Variants in PRICKLE2 observed in about 807,000 individuals in gnomAD.
The protein encoded by PRICKLE2 is prickle planar cell polarity protein 2.
A neutral mutation model predicts 81.4 loss-of-function variants in PRICKLE2; 21 were observed. The ratio of observed to expected loss-of-function variants is 0.26; its 90% CI spans 0.18 to 0.37. PRICKLE2 has a LOEUF of 0.37. Among genes scored for constraint, PRICKLE2 ranks in the 10% least tolerant of loss-of-function variants. The pLI, the probability that PRICKLE2 is intolerant of heterozygous loss-of-function variation, is 1.00. For missense variants in PRICKLE2, 940 were observed against 1,109.0 expected, an observed-to-expected ratio of 0.85 and a Z score of 2.16; for synonymous variants, 456 against 421.5, an observed-to-expected ratio of 1.08 and a Z score of -1.00.
intron 2 of PRICKLE2, among the ~76,000 whole-genome samples, chr3:64,193,621 C>T (rs1024696950): frequency 6.6e-6 from 1 of 152,150 alleles, no homozygotes; most frequent in African/African-American, 2.4e-5. Flanking sequence ...CTTGAATATA[C>T]AGGCTGATAT....
chr3:64,257,634 GA>G (rs1473422579), intron 2 of PRICKLE2, among the ~76,000 whole-genome samples: 2 of 152,268 alleles, frequency 1.3e-5, no homozygotes, highest in East Asian at 3.9e-4. Context: ...AAGCCAAGGG[GA>G]AAGTCTTATG....
At chr3:64,139,123 CCT>C (rs745931784) in intron 7 of PRICKLE2, among the ~76,000 whole-genome samples, 9 of 152,242 alleles carry the variant, frequency 5.9e-5, no homozygotes, top group African/African-American at 9.6e-5. Context: ...GAAAAATTAC[CCT>C]GTTACCTTCT....
chr3:64,144,591 G>A (rs1190951767), intron 7 of PRICKLE2, among the ~76,000 whole-genome samples: 3 of 152,208 alleles, frequency 2.0e-5, no homozygotes, highest in Non-Finnish European at 4.4e-5. Flanking sequence ...GCTGTAAGGG[G>A]CAGACGTATA....
intron 2 of PRICKLE2, among the ~76,000 whole-genome samples, chr3:64,251,493 T>C (rs2079447065): frequency 6.6e-6 from 1 of 152,202 alleles, no homozygotes; most frequent in Non-Finnish European, 1.5e-5. Context: ...ACCTAATCAG[T>C]ATGCATAAGA....
intron 1 of PRICKLE2, among the ~76,000 whole-genome samples, chr3:64,201,249 G>T (rs910349831): frequency 1.3e-5 from 2 of 152,268 alleles, no homozygotes; most frequent in South Asian, 2.1e-4. Flanking sequence ...ATTCTTTTGG[G>T]TATATTCCTA....
At chr3:64,165,486 T>C (rs571655913) in intron 2 of PRICKLE2, among the ~76,000 whole-genome samples, 2 of 152,328 alleles carry the variant, frequency 1.3e-5, no homozygotes, top group Admixed American at 1.3e-4. Context: ...ACAATAGTTA[T>C]ACTATCAAGC....
intron 2 of PRICKLE2, among the ~76,000 whole-genome samples, chr3:64,166,835 C>T (rs2077841566): frequency 6.6e-6 from 1 of 152,180 alleles, no homozygotes; most frequent in Admixed American, 6.5e-5. Flanking sequence ...TCTTCGAAGT[C>T]CATTGAAGTC....
intron 1 of PRICKLE2, among the ~76,000 whole-genome samples, chr3:64,219,156 T>C (rs1454929547): frequency 6.6e-6 from 1 of 152,154 alleles, no homozygotes; most frequent in Admixed American, 6.5e-5. Context: ...GACCTTTTAG[T>C]TCCCCGCCAA....
At chr3:64,151,118 G>C (rs2077539997) in intron 6 of PRICKLE2, among the ~76,000 whole-genome samples, 1 of 152,170 alleles carries the variant, frequency 6.6e-6, no homozygotes, top group Non-Finnish European at 1.5e-5. Flanking sequence ...CCTGACGCAG[G>C]GCCTGCTCTG....
intron 7 of PRICKLE2, among the ~76,000 whole-genome samples, chr3:64,117,607 A>G (rs2076956516): frequency 6.6e-6 from 1 of 152,196 alleles, no homozygotes; most frequent in Non-Finnish European, 1.5e-5. Flanking sequence ...CACAATTGCC[A>G]CAAAAAGAAT....
chr3:64,245,879 A>T (rs1407914360), intron 2 of PRICKLE2, among the ~76,000 whole-genome samples: 1 of 152,194 alleles, frequency 6.6e-6, no homozygotes, highest in Non-Finnish European at 1.5e-5. Flanking sequence ...TTATTTCTGC[A>T]AAGATGGGGT....
At chr3:64,206,925 G>A (rs1026137953) in intron 1 of PRICKLE2, among the ~76,000 whole-genome samples, 1 of 152,108 alleles carries the variant, frequency 6.6e-6, no homozygotes, top group Non-Finnish European at 1.5e-5. Context: ...TTTTGAGACA[G>A]GGTCTGCTCT....
chr3:64,243,680 A>G (rs1396754584), intron 2 of PRICKLE2, among the ~76,000 whole-genome samples: 2 of 152,236 alleles, frequency 1.3e-5, no homozygotes, highest in Admixed American at 1.3e-4. Context: ...TGAAGCCCTT[A>G]GCAGAGTGCC....
chr3:64,104,727 C>A (rs1285178962), intron 7 of PRICKLE2: 1 of 152,222 alleles, frequency 6.6e-6, no homozygotes, highest in Non-Finnish European at 1.5e-5. Flanking sequence ...ATCAGTTTCA[C>A]CTAAATGTAA....
At chr3:64,218,530 CTGCAGAA>C (rs2078906184) in intron 1 of PRICKLE2, among the ~76,000 whole-genome samples, 1 of 152,336 alleles carries the variant, frequency 6.6e-6, no homozygotes, top group Middle Eastern at 3.4e-3. Flanking sequence ...TGCTTAGTTA[CTGCAGAA>C]TGCAGATGGT....
At chr3:64,116,613 C>G (rs114772354) in intron 7 of PRICKLE2, among the ~76,000 whole-genome samples, 3,465 of 152,240 alleles carry the variant, frequency 0.023, 56 homozygotes, top group Non-Finnish European at 0.036. Context: ...GGATAAATGT[C>G]TGGACACATA....
intron 7 of PRICKLE2, among the ~76,000 whole-genome samples, chr3:64,129,054 T>C (rs993030510): frequency 3.9e-5 from 6 of 152,128 alleles, no homozygotes; most frequent in African/African-American, 1.4e-4. Context: ...TAGCATCCAA[T>C]TCTCTCTTGT....
chr3:64,187,321 C>A (rs548435695), intron 2 of PRICKLE2, among the ~76,000 whole-genome samples: 123 of 152,338 alleles, frequency 8.1e-4, no homozygotes, highest in African/African-American at 2.7e-3. Context: ...AAGATAAATA[C>A]AGCATTGTTC....
chr3:64,151,756 A>G (rs2077551338), intron 6 of PRICKLE2, among the ~76,000 whole-genome samples: 1 of 152,140 alleles, frequency 6.6e-6, no homozygotes, highest in African/African-American at 2.4e-5. Flanking sequence ...ACTTGTCACA[A>G]CTGATCTTCG....
Sources: allele counts gnomAD v4.1 joint callset (sites outside exome capture counted in the v4.1 genomes callset), GRCh38; gene constraint gnomAD v4.1.1; transcripts MANE v1.5; gene names NCBI Gene and HGNC (gene_info 2026-07-23, HGNC 2026-07-21).